Variants in NEDD4L observed in about 807,000 individuals in gnomAD.
NEDD4L encodes NEDD4 like E3 ubiquitin protein ligase, also known as E3 ubiquitin-protein ligase NEDD4-like.
NEDD4L carries 54 observed loss-of-function variants against 148.9 expected under a neutral mutation model. The ratio of observed to expected loss-of-function variants is 0.36; its 90% CI spans 0.29 to 0.45. The LOEUF (loss-of-function observed/expected upper bound fraction) is 0.45. NEDD4L is among the 20% of genes least tolerant of loss of function. The pLI is 1.00. For synonymous variants in NEDD4L, 433 were observed against 440.7 expected, an observed-to-expected ratio of 0.98 and a Z score of 0.22; for missense variants, 856 against 1,233.8, an observed-to-expected ratio of 0.69 and a Z score of 4.59.
intron 5 of NEDD4L, among the ~76,000 whole-genome samples, chr18:58,261,895 A>T (rs992466650): frequency 6.6e-6 from 1 of 152,234 alleles, no homozygotes; most frequent in Non-Finnish European, 1.5e-5. Context: ...CAAGAATGGG[A>T]AAAAGCAGGA....
intron 1 of NEDD4L, among the ~76,000 whole-genome samples, chr18:58,062,411 C>G (rs188588513): frequency 4.6e-5 from 7 of 152,216 alleles, no homozygotes; most frequent in African/African-American, 1.7e-4. Context: ...GGAATCTGAT[C>G]ATGGAGTTTG....
At chr18:58,393,336 G>T (rs529083058) in intron 30 of NEDD4L, among the ~76,000 whole-genome samples, 1 of 152,222 alleles carries the variant, frequency 6.6e-6, no homozygotes, top group South Asian at 2.1e-4. Flanking sequence ...CTGGAATTTG[G>T]ACTTCATTGG....
chr18:58,345,750 T>A (rs1178922179), intron 16 of NEDD4L, among the ~76,000 whole-genome samples: 2 of 152,076 alleles, frequency 1.3e-5, no homozygotes, highest in African/African-American at 4.8e-5. Context: ...AATTATTATT[T>A]TTTTTGTTTT....
intron 2 of NEDD4L, among the ~76,000 whole-genome samples, chr18:58,171,932 T>A (rs1666426575): frequency 6.6e-6 from 1 of 152,100 alleles, no homozygotes; most frequent in Non-Finnish European, 1.5e-5. Context: ...CAAGGAACAG[T>A]CTCCATTTGA....
At chr18:58,244,718 C>G (rs1391875889) in intron 2 of NEDD4L, among the ~76,000 whole-genome samples, 1 of 151,980 alleles carries the variant, frequency 6.6e-6, no homozygotes, top group East Asian at 1.9e-4. Flanking sequence ...GGTGTTGAGA[C>G]AGAGTCTTGC....
intron 5 of NEDD4L, among the ~76,000 whole-genome samples, chr18:58,308,616 G>A (rs1383958321): frequency 6.6e-6 from 1 of 152,134 alleles, no homozygotes; most frequent in African/African-American, 2.4e-5. Context: ...TGACCATCAG[G>A]GTGACAGGCA....
chr18:58,130,072 T>A (rs550942761), intron 1 of NEDD4L, among the ~76,000 whole-genome samples: 1 of 150,110 alleles, frequency 6.7e-6, no homozygotes, highest in Admixed American at 6.6e-5. Flanking sequence ...ATGGCTGTGA[T>A]CTAGTGGAAC....
intron 16 of NEDD4L, among the ~76,000 whole-genome samples, chr18:58,346,550 C>T (rs1217451837): frequency 6.6e-6 from 1 of 152,136 alleles, no homozygotes. Context: ...AAACTTATTA[C>T]TCTAGGTGTG....
At chr18:58,054,469 A>G (rs951020879) in intron 1 of NEDD4L, among the ~76,000 whole-genome samples, 5 of 152,214 alleles carry the variant, frequency 3.3e-5, no homozygotes, top group African/African-American at 1.2e-4. Flanking sequence ...GTGAGACCCC[A>G]TGCCTGTGGT....
At chr18:58,059,972 G>C (rs1426053280) in intron 1 of NEDD4L, among the ~76,000 whole-genome samples, 1 of 152,092 alleles carries the variant, frequency 6.6e-6, no homozygotes, top group African/African-American at 2.4e-5. Context: ...CATTTTATAG[G>C]TGGGGAAACT....
intron 5 of NEDD4L, among the ~76,000 whole-genome samples, chr18:58,282,574 T>C (rs540228386): frequency 3.8e-4 from 58 of 152,370 alleles, no homozygotes; most frequent in South Asian, 3.3e-3. Flanking sequence ...TTTTGGCTTA[T>C]GTCAGTGAAT....
intron 24 of NEDD4L, among the ~76,000 whole-genome samples, chr18:58,381,669 C>T (rs1568919013): frequency 1.3e-5 from 2 of 152,040 alleles, no homozygotes; most frequent in African/African-American, 2.4e-5. Flanking sequence ...AAACTCTTAC[C>T]GAAGGAACAA....
At chr18:58,153,089 G>A (rs1199967271) in intron 1 of NEDD4L, among the ~76,000 whole-genome samples, 1 of 152,210 alleles carries the variant, frequency 6.6e-6, no homozygotes, top group African/African-American at 2.4e-5. Flanking sequence ...CCTGGCCTCA[G>A]GCTGCATCGC....
intron 24 of NEDD4L, among the ~76,000 whole-genome samples, chr18:58,378,436 G>GA (rs1263526355): frequency 6.6e-6 from 1 of 152,242 alleles, no homozygotes; most frequent in Non-Finnish European, 1.5e-5. Context: ...TGTCCTGGCG[G>GA]AAGCCAGGAG....
intron 5 of NEDD4L, among the ~76,000 whole-genome samples, chr18:58,308,311 A>G (rs1224435990): frequency 2.0e-5 from 3 of 152,246 alleles, no homozygotes; most frequent in African/African-American, 7.2e-5. Context: ...ACAATTAATA[A>G]CAGGACCCCA....
intron 19 of NEDD4L, among the ~76,000 whole-genome samples, chr18:58,361,093 T>A (rs1391908497): frequency 6.6e-6 from 1 of 152,188 alleles, no homozygotes; most frequent in Non-Finnish European, 1.5e-5. Context: ...CTGTTCTTTC[T>A]CCATCATGTA....
chr18:58,151,363 C>G (rs1208512501), intron 1 of NEDD4L, among the ~76,000 whole-genome samples: 1 of 152,148 alleles, frequency 6.6e-6, no homozygotes, highest in Admixed American at 6.5e-5. Flanking sequence ...GTCCATTTTC[C>G]TTTTTTCACT....
chr18:58,282,082 T>A (rs2053220806), intron 5 of NEDD4L, among the ~76,000 whole-genome samples: 1 of 142,284 alleles, frequency 7.0e-6, no homozygotes, highest in Non-Finnish European at 1.5e-5. Context: ...TATTTTAAAT[T>A]AAAAGGTAAG....
At chr18:58,305,249 C>T (rs1029378277) in intron 5 of NEDD4L, among the ~76,000 whole-genome samples, 1 of 152,206 alleles carries the variant, frequency 6.6e-6, no homozygotes, top group Non-Finnish European at 1.5e-5. Context: ...TGTCACTCCA[C>T]TAGTTTAATA....
Sources: gnomAD v4.1 joint callset for allele counts (sites outside exome capture counted in the v4.1 genomes callset) on GRCh38, gnomAD v4.1.1 for gene constraint, MANE v1.5 for transcripts, NCBI Gene and HGNC (gene_info 2026-07-23, HGNC 2026-07-21) for gene names.